Variants in ANK3 observed in about 807,000 individuals in gnomAD.
ANK3 encodes the protein ankyrin-3.
A neutral mutation model predicts 370.9 loss-of-function variants in ANK3; 57 were observed. The ratio of observed to expected loss-of-function variants is 0.15; its 90% CI spans 0.12 to 0.19. ANK3 has a LOEUF of 0.19. Ranked by LOEUF, ANK3 falls within the 10% of genes least tolerant of loss-of-function variation. The pLI, the probability that ANK3 is intolerant of heterozygous loss-of-function variation, is 1.00. For missense variants in ANK3, 4,439 were observed against 5,302.1 expected (o/e 0.84, Z 5.06); for synonymous variants, 1,929 against 1,946.3 (o/e 0.99, Z 0.23).
intron 1 of ANK3, among the ~76,000 whole-genome samples, chr10:60,653,243 T>A (rs2078816121): frequency 6.6e-6 from 1 of 152,160 alleles, no homozygotes; most frequent in African/African-American, 2.4e-5. Flanking sequence ...AGGTCACAAA[T>A]ATTTTTCTTC....
At chr10:60,318,615 C>T (rs940284020) in intron 1 of ANK3, among the ~76,000 whole-genome samples, 3 of 152,112 alleles carry the variant, frequency 2.0e-5, no homozygotes, top group African/African-American at 7.2e-5. Flanking sequence ...AAGCAGAGTG[C>T]AAATTGCTTT....
At chr10:60,578,041 A>C (rs2077704083) in intron 2 of ANK3, among the ~76,000 whole-genome samples, 1 of 152,206 alleles carries the variant, frequency 6.6e-6, no homozygotes, top group Admixed American at 6.5e-5. Context: ...GCTTAACTGT[A>C]AGCAATACTC....
intron 8 of ANK3, among the ~76,000 whole-genome samples, chr10:60,233,038 G>A (rs1446427601): frequency 2.0e-5 from 3 of 152,152 alleles, no homozygotes; most frequent in Admixed American, 6.5e-5. Context: ...GATGTTTGTC[G>A]TGAGACCATC....
intron 1 of ANK3, among the ~76,000 whole-genome samples, chr10:60,709,835 A>T (rs1437869851): frequency 2.6e-5 from 4 of 151,878 alleles, no homozygotes; most frequent in African/African-American, 9.7e-5. Context: ...CTCAAAAAAA[A>T]AAAAAAGAAA....
intron 1 of ANK3, among the ~76,000 whole-genome samples, chr10:60,385,885 A>T (rs928803902): frequency 4.6e-5 from 7 of 152,210 alleles, no homozygotes; most frequent in African/African-American, 1.7e-4. Flanking sequence ...GGAACAAATT[A>T]GGGTCAATTC....
At chr10:60,199,162 C>T (rs1268963293) in intron 13 of ANK3, among the ~76,000 whole-genome samples, 1 of 152,158 alleles carries the variant, frequency 6.6e-6, no homozygotes, top group Admixed American at 6.5e-5. Context: ...AGTCCTGATC[C>T]CCTAGGGTCT....
intron 25 of ANK3, among the ~76,000 whole-genome samples, chr10:60,124,835 C>T (rs1255587936): frequency 6.6e-6 from 1 of 152,218 alleles, no homozygotes; most frequent in African/African-American, 2.4e-5. Flanking sequence ...ACAAGCTAAA[C>T]ACTCCTCACA....
intron 2 of ANK3, among the ~76,000 whole-genome samples, chr10:60,443,458 G>T (rs2064353164): frequency 6.6e-6 from 1 of 151,986 alleles, no homozygotes; most frequent in South Asian, 2.1e-4. Flanking sequence ...AGTGAAAAAA[G>T]ATTTTGCACC....
Position 60,069,650 on chromosome 10 carries a change from T to C in ANK3, c.11231A>G (p.Lys3744Arg). Reference protein sequence around the residue: ...KKEGPGEITDKIEAVMTSCQG... With the variant: ...KKEGPGEITDRIEAVMTSCQG... ...ACAACTGGTCATCACCGCTTCTATC[T>C]TATCTGTTATTTCTCCAGGGCCTTC... The change falls in exon 37 of 44, where the codon AAG (lysine) becomes AGG (arginine). Residue 3744 changes from lysine (K) to arginine (R), a missense_variant. Physicochemically the swap from Lys to Arg is conservative, Grantham distance 26. Around this residue, in one of 13 missense-constraint regions of ANK3, gnomAD observed 496 missense variants for 529.3 expected, o/e 0.94. Coordinates refer to ENST00000280772, the MANE Select transcript of ANK3 (RefSeq NM_020987.5). The C allele has an allele frequency of 1.9e-6, 3 of 1,614,186 alleles. No homozygotes were observed. The South Asian group carries it at 3.3e-5, about 18-fold the overall frequency.
intron 2 of ANK3, among the ~76,000 whole-genome samples, chr10:60,539,833 T>C (rs1404783575): frequency 1.3e-5 from 2 of 151,942 alleles, no homozygotes; most frequent in Admixed American, 6.6e-5. Flanking sequence ...TCAAGCCCTA[T>C]TTCAGGCCCT....
chr10:60,140,222 A>T (rs1230102046), intron 23 of ANK3: 24 of 997,338 alleles, frequency 2.4e-5, no homozygotes, highest in Non-Finnish European at 6.2e-6. Flanking sequence ...AACTAAACAG[A>T]TCAACTTTCT....
At chr10:60,190,404 C>A (rs200066937) in intron 16 of ANK3, among the ~76,000 whole-genome samples, 1 of 61,488 alleles carries the variant, frequency 1.6e-5, no homozygotes, top group South Asian at 6.1e-4. Flanking sequence ...ATTTATTCTC[C>A]TTTCTTTCTT....
chr10:60,162,393 T>C (rs1322750669), intron 23 of ANK3, among the ~76,000 whole-genome samples: 1 of 152,182 alleles, frequency 6.6e-6, no homozygotes, highest in African/African-American at 2.4e-5. Context: ...GGAAAGACCA[T>C]TCAATGTGTA....
intron 8 of ANK3, among the ~76,000 whole-genome samples, chr10:60,218,115 T>G (rs1188219322): frequency 6.9e-6 from 1 of 145,266 alleles, no homozygotes; most frequent in Non-Finnish European, 1.5e-5. Context: ...TTTTTTTTTT[T>G]TTGCTTTCCA....
At chr10:60,585,882 G>A (rs10994419) in intron 2 of ANK3, among the ~76,000 whole-genome samples, 59,233 of 151,836 alleles carry the variant, frequency 0.39, 12,155 homozygotes, top group Non-Finnish European at 0.45. Flanking sequence ...AAATTAGCTC[G>A]ACGTGGTGGC....
chr10:60,378,245 T>A (rs1461456114), intron 1 of ANK3, among the ~76,000 whole-genome samples: 1 of 152,188 alleles, frequency 6.6e-6, no homozygotes, highest in Non-Finnish European at 1.5e-5. Context: ...TGTTAATTTC[T>A]TACCATTCTA....
intron 1 of ANK3, among the ~76,000 whole-genome samples, chr10:60,302,339 C>T (rs2043994935): frequency 6.6e-6 from 1 of 151,956 alleles, no homozygotes; most frequent in Admixed American, 6.6e-5. Context: ...TATGTTGAAC[C>T]ATATGAAATT....
chr10:60,561,732 C>T (rs1266478204), intron 2 of ANK3, among the ~76,000 whole-genome samples: 1 of 152,314 alleles, frequency 6.6e-6, no homozygotes, highest in South Asian at 2.1e-4. Context: ...AGCCTGAGCA[C>T]CACAAGGCCT....
At chr10:60,125,118 A>G (rs774957990) in intron 25 of ANK3, among the ~76,000 whole-genome samples, 56 of 152,336 alleles carry the variant, frequency 3.7e-4, no homozygotes, top group Non-Finnish European at 2.6e-4. Context: ...GTAAAATAAA[A>G]TAAAAATTAA....
Sources: allele counts gnomAD v4.1 joint callset (sites outside exome capture counted in the v4.1 genomes callset), GRCh38; gene constraint gnomAD v4.1.1; regional missense constraint gnomAD v4.1.1; transcripts MANE v1.5; gene names NCBI Gene and HGNC (gene_info 2026-07-23, HGNC 2026-07-21).